TDRD12: variants seen among roughly 807,000 people sequenced by gnomAD.
The protein encoded by TDRD12 is tudor domain containing 12.
A neutral mutation model predicts 133.5 loss-of-function variants in TDRD12; 158 were observed. The observed-to-expected ratio is 1.18, with a 90% confidence interval of 1.04 to 1.35. TDRD12 has a LOEUF of 1.35. Ranked by LOEUF, TDRD12 falls within the 40% of genes most tolerant of loss-of-function variation. The pLI, the probability that TDRD12 is intolerant of heterozygous loss-of-function variation, is 0.00. For synonymous variants in TDRD12, 460 were observed against 477.9 expected (o/e 0.96, Z 0.49); for missense variants, 1,443 against 1,321.3 (o/e 1.09, Z -1.43).
chr19:32,755,160 T>A (rs1969956177), intron 6 of TDRD12, among the ~76,000 whole-genome samples: 1 of 152,250 alleles, frequency 6.6e-6, no homozygotes, highest in Non-Finnish European at 1.5e-5. Flanking sequence ...TATTTACCCA[T>A]TAACTCGTTG....
intron 11 of TDRD12, among the ~76,000 whole-genome samples, chr19:32,787,433 G>A (rs1970939693): frequency 6.6e-6 from 1 of 152,214 alleles, no homozygotes; most frequent in South Asian, 2.1e-4. Context: ...TGCTGTGCTG[G>A]GAGAACCACT....
exon 1 of TDRD12, chr19:32,719,991 G>C (rs1024156380): frequency 2.0e-6 from 3 of 1,504,404 alleles, no homozygotes; most frequent in South Asian, 1.2e-5. Flanking sequence ...GGGCCTGGCC[G>C]GGGCGGACGC....
At chr19:32,807,805 A>G (rs1966882153) in intron 22 of TDRD12, among the ~76,000 whole-genome samples, 157 bp downstream of exon 22, 1 of 152,252 alleles carries the variant, frequency 6.6e-6, no homozygotes, top group Non-Finnish European at 1.5e-5. Flanking sequence ...GTGTCCTTAC[A>G]AGGCGCCTTA....
At chr19:32,739,091 A>T in intron 3 of TDRD12, 99 bp downstream of exon 3, 2 of 1,407,594 alleles carry the variant, frequency 1.4e-6, no homozygotes, top group South Asian at 1.4e-5. Flanking sequence ...AGGTCACTAC[A>T]CTGAGAAAAG....
intron 21 of TDRD12, among the ~76,000 whole-genome samples, chr19:32,803,962 A>C (rs1052783506): frequency 1.3e-5 from 2 of 152,002 alleles, no homozygotes; most frequent in African/African-American, 4.8e-5. Flanking sequence ...TATACTCAAC[A>C]TAAGTACTTT....
intron 12 of TDRD12, 180 bp from the exon 13 acceptor site, chr19:32,790,784 A>G (rs1971047008): frequency 2.7e-6 from 4 of 1,486,790 alleles, no homozygotes; most frequent in Non-Finnish European, 3.6e-6. Flanking sequence ...TGTTTTTTGG[A>G]TAATAAACGA....
chr19:32,731,757 A>G (rs1286685357), exon 2 of TDRD12: 1 of 1,547,516 alleles, frequency 6.5e-7, no homozygotes, highest in East Asian at 2.4e-5. Context: ...GGGTTATTAT[A>G]AAAGGGTGTA....
At chr19:32,725,432 C>A (rs1430398094) in intron 1 of TDRD12, among the ~76,000 whole-genome samples, 1 of 151,882 alleles carries the variant, frequency 6.6e-6, no homozygotes, top group East Asian at 1.9e-4. Context: ...TTTCTGCATA[C>A]GGCTAGCCAG....
intron 5 of TDRD12, among the ~76,000 whole-genome samples, chr19:32,749,519 G>A (rs1237299733): frequency 6.6e-6 from 1 of 152,128 alleles, no homozygotes; most frequent in African/African-American, 2.4e-5. Flanking sequence ...TCAGATGAAG[G>A]CCTGGGACTG....
At chr19:32,822,535 C>A (rs1164153142), downstream of TDRD12, among the ~76,000 whole-genome samples, 2 of 152,182 alleles carry the variant, frequency 1.3e-5, no homozygotes, top group Non-Finnish European at 2.9e-5. Context: ...ATCGTGAGGT[C>A]AGGAGATCGA....
intron 11 of TDRD12, among the ~76,000 whole-genome samples, chr19:32,786,458 GA>G (rs1238999154): frequency 2.0e-5 from 3 of 152,114 alleles, no homozygotes; most frequent in Admixed American, 6.6e-5. Flanking sequence ...TCCTGAATTT[GA>G]ATGTTGGCCT....
At chr19:32,719,894 G>A in exon 1 of TDRD12, 1 of 709,536 alleles carries the variant, frequency 1.4e-6, no homozygotes. Flanking sequence ...CGGGGTCCGC[G>A]AGGGCTCCTG....
At chr19:32,728,039 A>G (rs1968915234) in intron 1 of TDRD12, among the ~76,000 whole-genome samples, 1 of 152,122 alleles carries the variant, frequency 6.6e-6, no homozygotes, top group Non-Finnish European at 1.5e-5. Flanking sequence ...CTTTCCCTGA[A>G]TGGTTTTGGT....
chr19:32,754,025 C>A (rs532181106), intron 6 of TDRD12, among the ~76,000 whole-genome samples: 2 of 152,224 alleles, frequency 1.3e-5, no homozygotes, highest in African/African-American at 4.8e-5. Context: ...TTTTCTCTTT[C>A]GCACCTTCTT....
intron 1 of TDRD12, among the ~76,000 whole-genome samples, chr19:32,729,243 A>C (rs1026141980): frequency 4.8e-5 from 5 of 104,362 alleles, no homozygotes; most frequent in Non-Finnish European, 7.3e-5. Flanking sequence ...TGTGAGATGG[A>C]GTCTTGCTCT....
chr19:32,736,240 A>C (rs1352764521), intron 2 of TDRD12, among the ~76,000 whole-genome samples: 1 of 152,190 alleles, frequency 6.6e-6, no homozygotes, highest in African/African-American at 2.4e-5. Flanking sequence ...TGCTCAGAAA[A>C]AAAGATTCCT....
chr19:32,730,440 G>A (rs1472020356), intron 1 of TDRD12, among the ~76,000 whole-genome samples: 2 of 152,022 alleles, frequency 1.3e-5, no homozygotes, highest in Non-Finnish European at 1.5e-5. Context: ...CTTGCTTTTG[G>A]TAGCTCTTCA....
chr19:32,731,270 A>G (rs1439890856), intron 1 of TDRD12, among the ~76,000 whole-genome samples: 2 of 152,136 alleles, frequency 1.3e-5, no homozygotes, highest in African/African-American at 4.8e-5. Context: ...AAAGAAGAAT[A>G]CAAATCAGGC....
intron 18 of TDRD12, 92 bp downstream of exon 18, chr19:32,800,864 G>T (rs1376407947): frequency 1.5e-6 from 2 of 1,292,888 alleles, no homozygotes; most frequent in Non-Finnish European, 2.0e-6. Flanking sequence ...TGACTCTGTG[G>T]CAGGGAAGTA....
Sources: allele counts gnomAD v4.1 joint callset (sites outside exome capture counted in the v4.1 genomes callset), GRCh38; gene constraint gnomAD v4.1.1; transcripts MANE v1.5; gene names NCBI Gene and HGNC (gene_info 2026-07-23, HGNC 2026-07-21).